The following PC variants were observed in gnomAD, a reference collection of about 807,000 sequenced individuals.
The protein encoded by PC is pyruvate carboxylase, mitochondrial.
A neutral mutation model predicts 107.8 loss-of-function variants in PC; 46 were observed. The ratio of observed to expected loss-of-function variants is 0.43; its 90% CI spans 0.34 to 0.55. The LOEUF is 0.55. Among genes scored for constraint, PC ranks in the 20% least tolerant of loss-of-function variants. The probability of loss-of-function intolerance (pLI) is 0.04; values close to 1 mark genes in which losing one functional copy is unlikely to be tolerated. For synonymous variants in PC, 662 were observed against 684.7 expected (o/e 0.97, Z 0.52); for missense variants, 1,241 against 1,643.1 (o/e 0.76, Z 4.23).
intron 3 of PC, among the ~76,000 whole-genome samples, chr11:66,930,938 T>C (rs1376801832): frequency 3.3e-5 from 5 of 151,970 alleles, no homozygotes; most frequent in African/African-American, 1.2e-4. Context: ...GAATCACAAA[T>C]GTAATGCTGA....
At chr11:66,894,391 A>G (rs1947675459) in intron 3 of PC, among the ~76,000 whole-genome samples, 1 of 152,182 alleles carries the variant, frequency 6.6e-6, no homozygotes, top group Admixed American at 6.5e-5. Context: ...GCTTTTGCCC[A>G]TGCAAGTCCT....
chr11:66,936,519 C>T (rs945008726), intron 3 of PC, among the ~76,000 whole-genome samples: 1 of 152,094 alleles, frequency 6.6e-6, no homozygotes, highest in South Asian at 2.1e-4. Context: ...CCTTTGTGAG[C>T]AAAACATCTT....
rs769326736 is a variant in PC at position 66,866,438 on chromosome 11, G to C, written c.1023-89C>G. The C allele has an allele frequency of 3.1e-6, 3 of 974,512 alleles. No individual in the cohort carries two copies. Among genetic ancestry groups the C allele is most frequent in the Non-Finnish European group, 4.7e-6 (3 of 638,336 alleles). 60.4% of individuals were successfully genotyped at this position (974,512 alleles called of 1,614,324 possible). On this transcript the variant is annotated intron_variant, in intron 10 of 22. Transcript: ENST00000393960. The surrounding 1 kb of genome is among the most constrained non-coding windows in gnomAD (Gnocchi z 5.4). The stretch of plus-strand genomic sequence containing the variant: ...AGACGAGGGGCACCGCAGCCAGTGG[G>C]GCGTCCACACACAGTGCGACTCCTG...
At chr11:66,915,140 C>T (rs1008820118) in intron 3 of PC, among the ~76,000 whole-genome samples, 2 of 150,674 alleles carry the variant, frequency 1.3e-5, no homozygotes, top group African/African-American at 4.8e-5. Flanking sequence ...AGACTCCAGC[C>T]AGGGAGGGAG....
At chr11:66,929,451 C>T (rs1006045252) in intron 3 of PC, among the ~76,000 whole-genome samples, 1 of 152,152 alleles carries the variant, frequency 6.6e-6, no homozygotes, top group Admixed American at 6.6e-5. Context: ...ACTGCAACTT[C>T]TCTCTCCCAG....
rs772710823 is a variant in PC, at chr11:66,860,059, C to G, written c.1368+3715G>C. ...AGCTGCTCTCTGGACCTGGGAGATGCCGGGTGCTACGGTTATGCCAGGCGC... is the reference window on the plus strand; with the variant it reads ...AGCTGCTCTCTGGACCTGGGAGATGGCGGGTGCTACGGTTATGCCAGGCGC... On this transcript the variant is annotated intron_variant, in intron 12 of 22. Transcript: ENST00000393960. 14 of 1,567,260 alleles carry G rather than the reference C, an allele frequency of 8.9e-6. No individual in the cohort carries two copies. The South Asian group carries it at 1.6e-4, about 18-fold the overall frequency.
At chr11:66,956,827 A>G (rs2136167106) in intron 1 of PC, among the ~76,000 whole-genome samples, 1 of 152,186 alleles carries the variant, frequency 6.6e-6, no homozygotes, top group Middle Eastern at 3.4e-3. Flanking sequence ...ATGTCCTCCT[A>G]GGGCCAATAC....
intron 3 of PC, among the ~76,000 whole-genome samples, chr11:66,918,429 C>T (rs559154299): frequency 2.2e-4 from 34 of 151,630 alleles, no homozygotes; most frequent in Non-Finnish European, 4.4e-4. Flanking sequence ...CGCTCTATTG[C>T]CCAGGCTGGA....
intron 3 of PC, among the ~76,000 whole-genome samples, chr11:66,920,995 C>A (rs1269217273): frequency 6.6e-6 from 1 of 150,660 alleles, no homozygotes; most frequent in Non-Finnish European, 1.5e-5. Context: ...CCGAGATCTC[C>A]AGGCTGGGTG....
chr11:66,876,994 C>T (rs1053617222), intron 3 of PC, among the ~76,000 whole-genome samples: 3 of 152,140 alleles, frequency 2.0e-5, no homozygotes, highest in Non-Finnish European at 2.9e-5. Context: ...CAGTGCTGAG[C>T]GCCAGGAAGG....
chr11:66,852,902 G>C lies in PC; in HGVS notation c.1514-66C>G, dbSNP rs975478409. The stretch of plus-strand genomic sequence containing the variant: ...GAGGCTGAGTCGAGGGCAGCAGTGA[G>C]AGTGGCTGGGCTCAGGGACAGGGAC... On this transcript the variant is annotated intron_variant, in intron 13 of 22. Coordinates refer to ENST00000393960, the MANE Select transcript of PC (RefSeq NM_001040716.2). The surrounding 1 kb of genome is among the most constrained non-coding windows in gnomAD (Gnocchi z 4.7). The C allele has an allele frequency of 1.6e-6, 2 of 1,213,310 alleles. No homozygotes were observed. Among genetic ancestry groups the C allele is most frequent in the Non-Finnish European group, 2.3e-6 (2 of 856,176 alleles). The allele number at this position is 1,213,310 out of a possible 1,614,324, so 75.2% of individuals were successfully genotyped here. A position where few individuals can be genotyped will look rare whatever the true frequency, so the allele number is the denominator to read the frequency against.
At position 66,858,595 on chromosome 11, in the gene PC, C is replaced by G; in HGVS notation, c.1368+5179G>C. The G allele has an allele frequency of 1.9e-5, 29 of 1,534,012 alleles. No individual in the cohort carries two copies. The highest frequency in any genetic ancestry group is 2.5e-5 in the Non-Finnish European group (29 of 1,143,966). On this transcript the variant is annotated intron_variant, in intron 12 of 22. Transcript: ENST00000393960. This position sits in a 1 kb window ranked among gnomAD's most constrained non-coding sequence, Gnocchi z 5.9. The stretch of plus-strand genomic sequence containing the variant: ...TTCTCCTGTGAGCCGCCCCTCATTG[C>G]CCGCCACACGCAGCGCCTCTGGGTG...
At chr11:66,863,489 G>C (rs1022133234) in intron 12 of PC, among the ~76,000 whole-genome samples, 2 of 152,232 alleles carry the variant, frequency 1.3e-5, no homozygotes, top group African/African-American at 4.8e-5. Context: ...GCGGGACACA[G>C]CGTGGGTCTC....
Position 66,858,151 on chromosome 11 carries a change from C to A in PC, c.1369-4768G>T. On this transcript the variant is annotated intron_variant, in intron 12 of 22. Transcript: ENST00000393960. The surrounding 1 kb of genome is among the most constrained non-coding windows in gnomAD (Gnocchi z 5.9). ...AGCGGCAACCAGCTGGGCCGCATCG[C>A]GCCGGGAGCCTTCGACGACTTCCTA... The A allele has an allele frequency of 6.2e-7, 1 of 1,610,798 alleles. No individual in the cohort carries two copies.
chr11:66,883,902 A>G (rs1314892085), intron 3 of PC, among the ~76,000 whole-genome samples: 1 of 152,028 alleles, frequency 6.6e-6, no homozygotes, highest in Admixed American at 6.6e-5. Context: ...CTTGGGCAAC[A>G]TATTGAGATC....
At position 66,892,286 on chromosome 11, in the gene PC, C is replaced by A. The variant is rs1947605442; in HGVS notation, c.1-20127G>T. On this transcript the variant is annotated intron_variant, in intron 3 of 22. Transcript: ENST00000393960. ...TGGGACAGTCTCAGTTGTAAAACAG[C>A]CAGTGCTTGGCCACAGGTGTCACCC... 2.0e-5 allele frequency among the ~76,000 whole-genome samples: 3 copies of A among 152,156 alleles called. No individual in the cohort carries two copies. The South Asian group carries it at 6.2e-4, about 32-fold the overall frequency.
In PC at chr11:66,848,943, C is replaced by A. The variant is rs762965114; in HGVS notation, c.3493G>T (p.Asp1165Tyr). Residue 1165 changes from aspartate (D) to tyrosine (Y), a missense_variant, in exon 23 of 23, where the codon GAC (aspartate) becomes TAC (tyrosine). Coordinates refer to ENST00000393960, the MANE Select transcript of PC (RefSeq NM_001040716.2). ...AGGTCGTCACCTTCCAGTGTCATGT[C>A]CTTGGTCACATGAACCTTGCGGACA... ...GTVRKVHVTK[D>Y]MTLEGDDLIL... is the part of the protein sequence containing the mutation. 14 of 1,613,918 alleles carry A rather than the reference C, an allele frequency of 8.7e-6. No individual in the cohort carries two copies. The East Asian group carries it at 2.9e-4, about 33-fold the overall frequency.
Position 66,870,284 on chromosome 11 carries a change from G to T in PC, c.903+18C>A. Reference sequence around the variant, plus strand: ...TGAGCACAGGCTCCTGTCCCAACACGGGAAGCCCACCCTTCACCTGTTTAG... The same window carrying T: ...TGAGCACAGGCTCCTGTCCCAACACTGGAAGCCCACCCTTCACCTGTTTAG... On this transcript the variant is annotated intron_variant, in intron 9 of 22. Coordinates refer to ENST00000393960, the MANE Select transcript of PC (RefSeq NM_001040716.2). The surrounding 1 kb of genome is among the most constrained non-coding windows in gnomAD (Gnocchi z 6.1). 1.2e-6 allele frequency: 2 copies of T among 1,612,026 alleles called. No homozygotes were observed. Among genetic ancestry groups the T allele is most frequent in the South Asian group, 1.1e-5 (1 of 91,022 alleles).
intron 3 of PC, among the ~76,000 whole-genome samples, chr11:66,947,693 T>A (rs1213584246): frequency 1.3e-5 from 2 of 151,996 alleles, no homozygotes; most frequent in Non-Finnish European, 2.9e-5. Flanking sequence ...CCAGGTGCGG[T>A]AGCTCACGCA....
Sources: gnomAD v4.1 joint callset for allele counts (sites outside exome capture counted in the v4.1 genomes callset) on GRCh38, gnomAD v4.1.1 for gene constraint, Gnocchi (gnomAD v3.1) non-coding constraint, MANE v1.5 for transcripts, NCBI Gene and HGNC (gene_info 2026-07-23, HGNC 2026-07-21) for gene names.